The following ST3GAL1 variants were observed in gnomAD, a reference collection of about 807,000 sequenced individuals.
ST3GAL1 encodes CMP-N-acetylneuraminate-beta-galactosamide-alpha-2,3-sialyltransferase 1.
Under a neutral mutation model 34.1 loss-of-function variants are expected in ST3GAL1, and 16 were observed. The observed-to-expected ratio is 0.47, with a 90% CI of 0.32 to 0.71. ST3GAL1 has a LOEUF of 0.71. Among genes scored for constraint, ST3GAL1 ranks in the 30% least tolerant of loss-of-function variants. ST3GAL1 has a pLI of 0.04. For synonymous variants in ST3GAL1, 191 were observed against 184.7 expected, an observed-to-expected ratio of 1.03 and a Z score of -0.28; for missense variants, 353 against 447.4, an observed-to-expected ratio of 0.79 and a Z score of 1.90.
At chr8:133,561,888 G>T (rs771778965) in intron 1 of ST3GAL1, among the ~76,000 whole-genome samples, 1 of 152,064 alleles carries the variant, frequency 6.6e-6, no homozygotes, top group Non-Finnish European at 1.5e-5. Flanking sequence ...ATAAACTAAG[G>T]ACGACTGTGA....
At position 133,454,991 on chromosome 8, in the gene ST3GAL1, A is replaced by G. The variant is rs540603669; in HGVS notation, c.*4773T>C. 139 of 152,418 alleles carry G rather than the reference A, an allele frequency of 9.1e-4. No individual in the cohort carries two copies. The highest frequency in any genetic ancestry group is 3.1e-3 in the African/African-American group (129 of 41,592). The allele number at this position is 152,418 out of a possible 1,614,324, so 9.4% of individuals were successfully genotyped here. A position where few individuals can be genotyped will look rare whatever the true frequency, so the allele number is the denominator to read the frequency against. ...ATCCCAACCAGTGCTCAGCTGCGTAACGACATGGAGAGAGGCAGGGGGGAA... is the reference window on the plus strand; with the variant it reads ...ATCCCAACCAGTGCTCAGCTGCGTAGCGACATGGAGAGAGGCAGGGGGGAA... On this transcript the variant is annotated 3_prime_UTR_variant, in exon 10 of 10. Coordinates refer to ENST00000522652, the MANE Select transcript of ST3GAL1 (RefSeq NM_173344.3).
intron 2 of ST3GAL1, among the ~76,000 whole-genome samples, chr8:133,523,761 G>A (rs1418860802): frequency 6.6e-6 from 1 of 152,208 alleles, no homozygotes; most frequent in Admixed American, 6.5e-5. Context: ...AGAAGGCTGG[G>A]TATGGGAGCC....
intron 1 of ST3GAL1, among the ~76,000 whole-genome samples, chr8:133,549,297 G>A (rs1005660824): frequency 6.6e-6 from 1 of 152,022 alleles, no homozygotes; most frequent in Non-Finnish European, 1.5e-5. Flanking sequence ...AGCTACTCGG[G>A]AGGCTGAGGC....
At chr8:133,551,978 G>GA (rs1818877719) in intron 1 of ST3GAL1, among the ~76,000 whole-genome samples, 1 of 152,230 alleles carries the variant, frequency 6.6e-6, no homozygotes, top group South Asian at 2.1e-4. Context: ...GCTGGAGCCT[G>GA]AATGATTAAC....
intron 3 of ST3GAL1, among the ~76,000 whole-genome samples, chr8:133,479,418 T>C (rs975898350): frequency 7.2e-5 from 11 of 152,166 alleles, no homozygotes; most frequent in Admixed American, 2.0e-4. Context: ...CTAAGTTTTC[T>C]CTGGGTGACA....
intron 2 of ST3GAL1, among the ~76,000 whole-genome samples, chr8:133,509,439 G>T (rs2131008804): frequency 6.6e-6 from 1 of 152,336 alleles, no homozygotes; most frequent in South Asian, 2.1e-4. Flanking sequence ...CCTCTCTAAG[G>T]TTCATCTGTA....
At chr8:133,566,533 G>A (rs1001173752) in intron 1 of ST3GAL1, among the ~76,000 whole-genome samples, 1 of 152,010 alleles carries the variant, frequency 6.6e-6, no homozygotes, top group Non-Finnish European at 1.5e-5. Flanking sequence ...TGCATCCCCC[G>A]CATTGCAGGG....
intron 3 of ST3GAL1, among the ~76,000 whole-genome samples, chr8:133,498,631 A>T (rs924822015): frequency 6.6e-6 from 1 of 152,254 alleles, no homozygotes; most frequent in Non-Finnish European, 1.5e-5. Context: ...AAAACCAAAA[A>T]TACTACAAAC....
At chr8:133,514,583 T>C (rs1362753427) in intron 2 of ST3GAL1, among the ~76,000 whole-genome samples, 1 of 152,058 alleles carries the variant, frequency 6.6e-6, no homozygotes, top group Admixed American at 6.5e-5. Flanking sequence ...CCTAGTGGGA[T>C]GGTAAATGCA....
chr8:133,537,750 AAGGTCACG>A, intron 2 of ST3GAL1, among the ~76,000 whole-genome samples: 1 of 152,166 alleles, frequency 6.6e-6, no homozygotes, highest in Non-Finnish European at 1.5e-5. Context: ...TGCATGAATG[AAGGTCACG>A]AGGCTGGCAA....
intron 2 of ST3GAL1, among the ~76,000 whole-genome samples, chr8:133,509,981 C>T (rs1817459768): frequency 6.6e-6 from 1 of 151,162 alleles, no homozygotes; most frequent in African/African-American, 2.4e-5. Context: ...ATTGCTTGAA[C>T]CCAGAAGGCA....
chr8:133,463,547 A>G, intron 7 of ST3GAL1, 88 bp from the exon 8 acceptor site: 1 of 1,424,402 alleles, frequency 7.0e-7, no homozygotes, highest in South Asian at 1.2e-5. Flanking sequence ...GTGGCTAGAT[A>G]ATGAAGCAGG....
intron 2 of ST3GAL1, among the ~76,000 whole-genome samples, chr8:133,537,348 G>A (rs551582511): frequency 2.4e-4 from 36 of 152,146 alleles, no homozygotes; most frequent in African/African-American, 7.5e-4. Context: ...CTTCTCCCAG[G>A]GTACAGGGTA....
Position 133,560,566 on chromosome 8 carries a change from C to A in ST3GAL1, c.-582+11127G>T, listed in dbSNP as rs1187671985. Among the ~76,000 whole-genome samples, 2 of 152,192 alleles carry A rather than the reference C, an allele frequency of 1.3e-5. 1 individual carries two copies. Among genetic ancestry groups the A allele is most frequent in the Admixed American group, 1.3e-4 (2 of 15,280 alleles). ...TCCTGCCCAAAAGGATGTTACAGAG[C>A]ATGGGTTCATGGTCACCAGAGGGCC... On this transcript the variant is annotated intron_variant, in intron 1 of 9. Transcript: ENST00000522652.
At chr8:133,471,992 C>T (rs757898011) in intron 5 of ST3GAL1, among the ~76,000 whole-genome samples, 3 of 151,878 alleles carry the variant, frequency 2.0e-5, no homozygotes, top group Non-Finnish European at 4.4e-5. Context: ...AGTCAGCATT[C>T]GACATGGCTT....
chr8:133,565,833 G>A (rs949406591), intron 1 of ST3GAL1, among the ~76,000 whole-genome samples: 1 of 140,982 alleles, frequency 7.1e-6, no homozygotes. Flanking sequence ...GAGCAGATGG[G>A]CCAGGGCCAG....
At chr8:133,477,414 C>T (rs1013779277) in intron 3 of ST3GAL1, among the ~76,000 whole-genome samples, 3 of 152,088 alleles carry the variant, frequency 2.0e-5, no homozygotes, top group Non-Finnish European at 4.4e-5. Flanking sequence ...TATTAGTTTC[C>T]CTTTTTGTCT....
intron 3 of ST3GAL1, among the ~76,000 whole-genome samples, chr8:133,486,043 CACA>C (rs2130965754): frequency 6.6e-6 from 1 of 152,316 alleles, no homozygotes; most frequent in South Asian, 2.1e-4. Context: ...TGGCTGGGCC[CACA>C]ACAAGCTCCC....
chr8:133,528,537 C>G (rs1818043526), intron 2 of ST3GAL1, among the ~76,000 whole-genome samples: 1 of 152,224 alleles, frequency 6.6e-6, no homozygotes, highest in Non-Finnish European at 1.5e-5. Context: ...CCTCTACAGC[C>G]TACACTGAGT....
Sources: allele counts gnomAD v4.1 joint callset (sites outside exome capture counted in the v4.1 genomes callset), GRCh38; gene constraint gnomAD v4.1.1; transcripts MANE v1.5; gene names NCBI Gene and HGNC (gene_info 2026-07-23, HGNC 2026-07-21).